The following HTR3A variants were observed in gnomAD, a reference collection of about 807,000 sequenced individuals.
HTR3A encodes 5-hydroxytryptamine (serotonin) receptor 3A, ionotropic.
Under a neutral mutation model 54.8 loss-of-function variants are expected in HTR3A, and 45 were observed. That is an observed-to-expected ratio of 0.82 (90% confidence interval 0.65 to 1.05). The LOEUF (loss-of-function observed/expected upper bound fraction) is 1.05, where lower values mean the gene tolerates loss of function less well. Among genes scored for constraint, HTR3A ranks in the 50% least tolerant of loss-of-function variants. HTR3A has a pLI of 0.00. For synonymous variants in HTR3A, 297 were observed against 256.0 expected (o/e 1.16, Z -1.53); for missense variants, 657 against 614.0 (o/e 1.07, Z -0.74).
rs141774545 is a variant in HTR3A, at chr11:113,986,923, G to A, written c.1015G>A (p.Val339Met). 61 of 1,614,174 alleles carry A rather than the reference G, an allele frequency of 3.8e-5. No individual in the cohort carries two copies. The highest frequency in any genetic ancestry group is 9.3e-5 in the African/African-American group (7 of 75,048). ...LVHKQDLQQP[V>M]PAWLRHLVLE... ...GCACAAGCAAGACCTGCAGCAGCCCGTGCCTGCTTGGCTGCGTCACCTGGT... is the reference window on the plus strand; with the variant it reads ...GCACAAGCAAGACCTGCAGCAGCCCATGCCTGCTTGGCTGCGTCACCTGGT... Residue 339 changes from valine to methionine, a missense_variant, in exon 8 of 9, where the codon GTG becomes ATG. Coordinates refer to ENST00000504030, the MANE Select transcript of HTR3A (RefSeq NM_000869.6).
intron 6 of HTR3A, 26 bp from the exon 7 acceptor site, chr11:113,986,492 T>C: frequency 1.2e-6 from 2 of 1,610,242 alleles, no homozygotes; most frequent in Non-Finnish European, 8.5e-7. Context: ...GCCCCAGGCT[T>C]CCCACAAGCT....
chr11:113,985,310 T>C (rs1298368460), intron 5 of HTR3A, among the ~76,000 whole-genome samples: 3 of 152,234 alleles, frequency 2.0e-5, no homozygotes, highest in African/African-American at 7.2e-5. Context: ...TTGGAGTTCA[T>C]GCACATTTAG....
At chr11:113,979,382 C>T in intron 3 of HTR3A, 105 bp downstream of exon 3, 2 of 842,542 alleles carry the variant, frequency 2.4e-6, no homozygotes, top group South Asian at 2.7e-5. Context: ...AGCGGAGAGG[C>T]TGAGGGGCAC....
chr11:113,976,016 A>C (rs1950346824), intron 1 of HTR3A, among the ~76,000 whole-genome samples: 1 of 152,130 alleles, frequency 6.6e-6, no homozygotes, highest in Admixed American at 6.5e-5. Context: ...CCTTGAATGT[A>C]GGGTGTTTTA....
In HTR3A at chr11:113,977,802, T is replaced by C; in HGVS notation, c.99T>C (p.Ala33=). The change falls in exon 2 of 9, where the codon GCT becomes GCC. Residue 33 remains alanine, a synonymous_variant. Transcript: ENST00000504030. ...GGAGCCGAAACACCACCAGGCCCGC[T>C]CTGCTGAGGCTGTCGGATTACCTTT... ...ARRSRNTTRP[A]LLRLSDYLLT... The C allele has an allele frequency of 1.2e-6, 2 of 1,614,122 alleles. No individual in the cohort carries two copies. Among genetic ancestry groups the C allele is most frequent in the Middle Eastern group, 1.6e-4 (1 of 6,062 alleles).
chr11:113,978,363 G>A (rs960713415), intron 2 of HTR3A, among the ~76,000 whole-genome samples: 1 of 152,086 alleles, frequency 6.6e-6, no homozygotes, highest in Admixed American at 6.5e-5. Flanking sequence ...CAGTAGGGTG[G>A]GGTGCACTAC....
intron 8 of HTR3A, among the ~76,000 whole-genome samples, chr11:113,987,591 C>A (rs1950508010): frequency 6.6e-6 from 1 of 150,716 alleles, no homozygotes; most frequent in African/African-American, 2.4e-5. Flanking sequence ...TTCAAGTTGG[C>A]TGGGCATGGT....
Position 113,986,718 on chromosome 11 carries a change from T to G in HTR3A, c.906T>G (p.Thr302=). 4.3e-6 allele frequency: 7 copies of G among 1,614,128 alleles called. No homozygotes were observed. The highest frequency in any genetic ancestry group is 5.9e-6 in the Non-Finnish European group (7 of 1,180,022). Residue 302 remains threonine, a synonymous_variant, in exon 7 of 9, where the codon ACT becomes ACG. Transcript: ENST00000504030. ...CGCTGCCGGCCACTGCCATCGGCAC[T>G]CCTCTCATTGGTAAGGCCCCTCCTG... ...SDTLPATAIG[T]PLIGVYFVVC... is the part of the protein sequence containing the mutation.
At chr11:113,980,729 C>A (rs1477969710) in intron 3 of HTR3A, among the ~76,000 whole-genome samples, 1 of 152,218 alleles carries the variant, frequency 6.6e-6, no homozygotes, top group East Asian at 1.9e-4. Context: ...GGCAATGGGG[C>A]ACCCCTGAAG....
At chr11:113,988,853 A>T (rs2137588418) in intron 8 of HTR3A, among the ~76,000 whole-genome samples, 1 of 152,344 alleles carries the variant, frequency 6.6e-6, no homozygotes, top group East Asian at 1.9e-4. Flanking sequence ...GTGAGGCTCA[A>T]ATGAAATAAT....
Position 113,983,192 on chromosome 11 carries a change from G to A in HTR3A, c.447G>A (p.Lys149=). The change falls in exon 5 of 9, where the codon AAG becomes AAA. Residue 149 remains lysine (K), a synonymous_variant. Coordinates refer to ENST00000504030, the MANE Select transcript of HTR3A (RefSeq NM_000869.6). ...ATCAAGGCGAAGTTCAGAACTACAAGCCCCTTCAGGTGGTGACTGCCTGTA... is the reference window on the plus strand; with the variant it reads ...ATCAAGGCGAAGTTCAGAACTACAAACCCCTTCAGGTGGTGACTGCCTGTA... ...IRHQGEVQNY[K]PLQVVTACSL... is the part of the protein sequence containing the mutation. The A allele has an allele frequency of 2.5e-6, 4 of 1,614,232 alleles. No homozygotes were observed. Among genetic ancestry groups the A allele is most frequent in the Non-Finnish European group, 3.4e-6 (4 of 1,180,038 alleles).
intron 5 of HTR3A, 40 bp from the exon 6 acceptor site, chr11:113,985,975 G>A: frequency 5.6e-6 from 9 of 1,610,992 alleles, no homozygotes; most frequent in Non-Finnish European, 7.6e-6. Context: ...CAGGCTCTGG[G>A]TACTAGATTC....
chr11:113,981,314 T>C lies in HTR3A; in HGVS notation c.374+2T>C, dbSNP rs1414040617. The C allele has an allele frequency of 6.3e-7, 1 of 1,583,570 alleles. No individual in the cohort carries two copies. The highest frequency in any genetic ancestry group is 8.7e-7 in the Non-Finnish European group (1 of 1,152,136). ...CCCGGACATTCTCATCAATGAGTTG[T>C]GAGTACCGTTATCCATTGTGAGGTG... On this transcript the variant is annotated splice_donor_variant, in intron 4 of 8. Coordinates refer to ENST00000504030, the MANE Select transcript of HTR3A (RefSeq NM_000869.6). LOFTEE classifies it high-confidence loss of function.
intron 5 of HTR3A, among the ~76,000 whole-genome samples, chr11:113,984,131 C>T (rs935194253): frequency 6.6e-6 from 1 of 152,142 alleles, no homozygotes; most frequent in Admixed American, 6.5e-5. Context: ...GCTGCTCCCC[C>T]CAACCACACC....
chr11:113,979,030 C>T (rs887296256), intron 2 of HTR3A, among the ~76,000 whole-genome samples: 9 of 152,178 alleles, frequency 5.9e-5, no homozygotes, highest in Non-Finnish European at 1.3e-4. Context: ...CTTCTTTCTG[C>T]GTATGCTCTA....
chr11:113,986,137 A>T lies in HTR3A; in HGVS notation c.667A>T (p.Met223Leu). Residue 223 changes from methionine (M) to leucine (L), a missense_variant, in exon 6 of 9, where the codon ATG becomes TTG. By Grantham distance (15) the Met-to-Leu change is conservative (BLOSUM62 2). Transcript: ENST00000504030. ...GCTGCCCTACTTTCGGGAGTTCAGCATGGAAAGCAGTAACTACTATGCAGA... is the reference window on the plus strand; with the variant it reads ...GCTGCCCTACTTTCGGGAGTTCAGCTTGGAAAGCAGTAACTACTATGCAGA... ...GVLPYFREFS[M>L]ESSNYYAEMK... The T allele has an allele frequency of 6.2e-7, 1 of 1,614,222 alleles. No homozygotes were observed. The highest frequency in any genetic ancestry group is 8.5e-7 in the Non-Finnish European group (1 of 1,180,052).
chr11:113,981,203 T>G lies in HTR3A; in HGVS notation c.265T>G (p.Tyr89Asp). 6.9e-6 allele frequency: 11 copies of G among 1,596,354 alleles called. No individual in the cohort carries two copies. Among genetic ancestry groups the G allele is most frequent in the Non-Finnish European group, 8.6e-6 (10 of 1,163,818 alleles). Residue 89 changes from tyrosine to aspartate, a missense_variant and splice_region_variant, in exon 4 of 9, where the codon TAC (tyrosine) becomes GAC (aspartate). Coordinates refer to ENST00000504030, the MANE Select transcript of HTR3A (RefSeq NM_000869.6). The part of the protein sequence containing the change: ...VLTTYIWYRQ[Y>D]WTDEFLQWNP... ...GTGACCATCCCTGCTCCTCCCCTAG[T>G]ACTGGACTGATGAGTTTCTCCAGTG...
At chr11:113,983,348 G>A (rs1565580891) in intron 5 of HTR3A, 59 bp downstream of exon 5, 10 of 1,592,138 alleles carry the variant, frequency 6.3e-6, no homozygotes, top group African/African-American at 2.7e-5. Context: ...AGGGACACCT[G>A]AGCGAGGAGT....
intron 1 of HTR3A, 182 bp from the exon 2 acceptor site, chr11:113,977,589 A>C: frequency 6.5e-7 from 1 of 1,529,544 alleles, no homozygotes. Context: ...AATACATTTG[A>C]ATTATGGTAG....
Sources: allele counts gnomAD v4.1 joint callset (sites outside exome capture counted in the v4.1 genomes callset), GRCh38; gene constraint gnomAD v4.1.1; transcripts MANE v1.5; gene names NCBI Gene and HGNC (gene_info 2026-07-23, HGNC 2026-07-21).